PPFIA2: variants seen among roughly 807,000 people sequenced by gnomAD.
PPFIA2 encodes the protein PPFI scaffold protein A2.
Under a neutral mutation model 175.5 loss-of-function variants are expected in PPFIA2, and 46 were observed. The observed-to-expected ratio is 0.26, with a 90% confidence interval of 0.21 to 0.34. The LOEUF (loss-of-function observed/expected upper bound fraction) is 0.34, where lower values mean the gene tolerates loss of function less well. Among genes scored for constraint, PPFIA2 ranks in the 10% least tolerant of loss-of-function variants. The pLI is 1.00. For synonymous variants in PPFIA2, 568 were observed against 511.4 expected, an observed-to-expected ratio of 1.11 and a Z score of -1.49; for missense variants, 1,179 against 1,506.1, an observed-to-expected ratio of 0.78 and a Z score of 3.60.
intron 18 of PPFIA2, among the ~76,000 whole-genome samples, chr12:81,346,058 T>A (rs1035983253): frequency 2.6e-5 from 4 of 152,052 alleles, no homozygotes; most frequent in Admixed American, 6.6e-5. Flanking sequence ...GTCTTCTTTT[T>A]AAAAAAAATT....
At chr12:81,476,824 A>G (rs754009800) in intron 4 of PPFIA2, among the ~76,000 whole-genome samples, 2 of 152,204 alleles carry the variant, frequency 1.3e-5, no homozygotes, top group African/African-American at 2.4e-5. Flanking sequence ...CCTATCAATG[A>G]TAGACTGGAT....
At chr12:81,694,905 A>T (rs1305181609) in intron 3 of PPFIA2, among the ~76,000 whole-genome samples, 1 of 152,178 alleles carries the variant, frequency 6.6e-6, no homozygotes, top group Non-Finnish European at 1.5e-5. Context: ...GGGATACGGA[A>T]TAAAGATTAT....
chr12:81,693,657 G>A (rs1310859189), intron 3 of PPFIA2, among the ~76,000 whole-genome samples: 1 of 152,170 alleles, frequency 6.6e-6, no homozygotes, highest in Non-Finnish European at 1.5e-5. Context: ...AAATGTGGAA[G>A]TGACTGTGTA....
chr12:81,427,966 A>T (rs1452165185), intron 7 of PPFIA2, among the ~76,000 whole-genome samples: 6 of 151,988 alleles, frequency 3.9e-5, no homozygotes, highest in Non-Finnish European at 8.8e-5. Flanking sequence ...GAATCTTCTG[A>T]CTTAAAGTTA....
chr12:81,278,472 C>T (rs949370209), intron 27 of PPFIA2, among the ~76,000 whole-genome samples: 9 of 146,954 alleles, frequency 6.1e-5, no homozygotes, highest in African/African-American at 7.6e-5. Context: ...GCCCGGGAGG[C>T]GGAGGTTGAA....
chr12:81,598,125 G>A (rs2059439185), intron 4 of PPFIA2: 4 of 1,508,004 alleles, frequency 2.7e-6, no homozygotes, highest in African/African-American at 2.8e-5. Flanking sequence ...CATTGAGGGA[G>A]ACTAGAGGGT....
rs867706227 is a variant in PPFIA2 at position 81,369,178 on chromosome 12, C to T, written c.1283G>A (p.Gly428Glu). The T allele has an allele frequency of 1.2e-6, 2 of 1,608,526 alleles. No individual in the cohort carries two copies. The highest frequency in any genetic ancestry group is 1.7e-6 in the Non-Finnish European group (2 of 1,176,714). ...ATGTCTCATACGTTCTTCAATATTT[C>T]CATGTCTCTCTTCAGCCTGTTAAGA... Reference protein sequence around the residue: ...AALTKAEERHGNIEERMRHLE... With the variant: ...AALTKAEERHENIEERMRHLE... The change falls in exon 12 of 33, where the codon GGA (glycine) becomes GAA (glutamate). Residue 428 changes from glycine (G) to glutamate (E), a missense_variant. Physicochemically the swap from Gly to Glu is moderately conservative, Grantham distance 98 (BLOSUM62 -2). Transcript: ENST00000549396.
intron 7 of PPFIA2, among the ~76,000 whole-genome samples, chr12:81,416,633 ACTT>A (rs2045319078): frequency 6.6e-6 from 1 of 151,698 alleles, no homozygotes; most frequent in Admixed American, 6.6e-5. Context: ...ATTATAAAGT[ACTT>A]CTTTGTACAG....
At chr12:81,583,355 CT>C (rs140077256) in intron 4 of PPFIA2, among the ~76,000 whole-genome samples, 1,884 of 149,438 alleles carry the variant, frequency 0.013, 47 homozygotes, top group African/African-American at 0.043. Context: ...TTCTCTTTTC[CT>C]TTTTTTTTTC....
chr12:81,400,447 T>C (rs905872412), intron 8 of PPFIA2, among the ~76,000 whole-genome samples: 1 of 152,176 alleles, frequency 6.6e-6, no homozygotes, highest in Non-Finnish European at 1.5e-5. Context: ...ATAATAAAAA[T>C]ACTAGACAAT....
intron 4 of PPFIA2, among the ~76,000 whole-genome samples, chr12:81,644,228 G>T (rs970213599): frequency 6.6e-6 from 1 of 151,898 alleles, no homozygotes; most frequent in South Asian, 2.1e-4. Context: ...ATGGGTAAAT[G>T]ATGCATTACT....
At chr12:81,316,468 G>A (rs2052378962) in intron 22 of PPFIA2, among the ~76,000 whole-genome samples, 2 of 151,492 alleles carry the variant, frequency 1.3e-5, no homozygotes, top group Admixed American at 1.3e-4. Flanking sequence ...TTACTGGAAT[G>A]AATAATTTAG....
rs142620957 is a variant in PPFIA2 at position 81,567,379 on chromosome 12, T to C, written c.303+109412A>G. ...AGACTTTCTAGACCCTTATAATTGA[T>C]AGGAGTGTTTTTATTATTAATACCT... On this transcript the variant is annotated intron_variant, in intron 4 of 32. Transcript: ENST00000549396. 1.2e-4 allele frequency among the ~76,000 whole-genome samples: 19 copies of C among 152,266 alleles called. No homozygotes were observed. The East Asian group carries it at 3.5e-3, about 28-fold the overall frequency.
At chr12:81,689,219 A>T (rs2074921253) in intron 3 of PPFIA2, among the ~76,000 whole-genome samples, 1 of 151,992 alleles carries the variant, frequency 6.6e-6, no homozygotes, top group Admixed American at 6.6e-5. Context: ...ATGCAGAAAA[A>T]TTCCCTTTGC....
At chr12:81,689,990 C>A (rs2075029633) in intron 3 of PPFIA2, among the ~76,000 whole-genome samples, 1 of 152,100 alleles carries the variant, frequency 6.6e-6, no homozygotes, top group Admixed American at 6.6e-5. Flanking sequence ...ACTGTCTTTA[C>A]CTTGCATGGC....
At chr12:81,605,803 A>T (rs2060249440) in intron 4 of PPFIA2, among the ~76,000 whole-genome samples, 1 of 151,796 alleles carries the variant, frequency 6.6e-6, no homozygotes, top group African/African-American at 2.4e-5. Flanking sequence ...ATGTAGCAAA[A>T]ATGACCCTTT....
intron 16 of PPFIA2, among the ~76,000 whole-genome samples, chr12:81,355,955 T>C (rs921802051): frequency 3.5e-4 from 54 of 152,230 alleles, no homozygotes; most frequent in African/African-American, 1.0e-3. Flanking sequence ...TTTCTTATTT[T>C]CCTTCAGGAA....
chr12:81,489,221 T>A (rs1317272267), intron 4 of PPFIA2, among the ~76,000 whole-genome samples: 1 of 151,772 alleles, frequency 6.6e-6, no homozygotes, highest in Non-Finnish European at 1.5e-5. Flanking sequence ...AGTTGCTCAG[T>A]ATTCTAATAT....
At chr12:81,663,432 AT>A (rs1461313206) in intron 4 of PPFIA2, among the ~76,000 whole-genome samples, 1 of 152,190 alleles carries the variant, frequency 6.6e-6, no homozygotes, top group East Asian at 1.9e-4. Flanking sequence ...GTGAACTCCC[AT>A]TCACAATTGC....
Sources: gnomAD v4.1 joint callset for allele counts (sites outside exome capture counted in the v4.1 genomes callset) on GRCh38, gnomAD v4.1.1 for gene constraint, MANE v1.5 for transcripts, NCBI Gene and HGNC (gene_info 2026-07-23, HGNC 2026-07-21) for gene names.